Variants in IMMP2L observed in about 807,000 individuals in gnomAD.
IMMP2L encodes inner mitochondrial membrane peptidase subunit 2.
Under a neutral mutation model 19.3 loss-of-function variants are expected in IMMP2L, and 18 were observed. The observed-to-expected ratio is 0.93, with a 90% CI of 0.64 to 1.38. IMMP2L has a LOEUF of 1.38. Among genes scored for constraint, IMMP2L ranks in the 40% most tolerant of loss-of-function variants. The pLI, the probability that IMMP2L is intolerant of heterozygous loss-of-function variation, is 0.00. For missense variants in IMMP2L, 233 were observed against 218.2 expected (o/e 1.07, Z -0.43); for synonymous variants, 76 against 73.0 (o/e 1.04, Z -0.21).
chr7:111,312,078 C>A (rs948477541), intron 3 of IMMP2L, among the ~76,000 whole-genome samples: 18 of 152,092 alleles, frequency 1.2e-4, no homozygotes, highest in African/African-American at 4.3e-4. Context: ...CATGATAAAC[C>A]CACTGCAACA....
At chr7:111,552,505 C>G (rs963481814) in intron 1 of IMMP2L, among the ~76,000 whole-genome samples, 1 of 152,164 alleles carries the variant, frequency 6.6e-6, no homozygotes, top group African/African-American at 2.4e-5. Flanking sequence ...CCAGGCTGTT[C>G]TCAAACTCCT....
At chr7:110,805,494 G>A (rs1279368993) in intron 5 of IMMP2L, among the ~76,000 whole-genome samples, 3 of 151,938 alleles carry the variant, frequency 2.0e-5, no homozygotes, top group Non-Finnish European at 2.9e-5. Context: ...TGAAAGATTT[G>A]CACCTATCTT....
intron 3 of IMMP2L, among the ~76,000 whole-genome samples, chr7:111,182,677 G>A (rs1467280374): frequency 6.6e-6 from 1 of 151,754 alleles, no homozygotes; most frequent in African/African-American, 2.4e-5. Flanking sequence ...TACCTCTGAG[G>A]TGGAGGTAAG....
intron 5 of IMMP2L, among the ~76,000 whole-genome samples, chr7:110,842,738 G>C (rs1805223137): frequency 2.0e-5 from 3 of 152,146 alleles, no homozygotes; most frequent in African/African-American, 7.2e-5. Context: ...AAATTACCTT[G>C]TATACAAAGG....
chr7:111,134,528 G>A (rs1586501607), intron 3 of IMMP2L, among the ~76,000 whole-genome samples: 1 of 151,880 alleles, frequency 6.6e-6, no homozygotes, highest in Non-Finnish European at 1.5e-5. Context: ...CAGCATTTTT[G>A]AAAGCTCAGT....
At chr7:111,063,763 T>A (rs1586036406) in intron 3 of IMMP2L, among the ~76,000 whole-genome samples, 1 of 152,192 alleles carries the variant, frequency 6.6e-6, no homozygotes, top group East Asian at 1.9e-4. Context: ...TGCTAAAACA[T>A]AACAAGAGTC....
intron 5 of IMMP2L, among the ~76,000 whole-genome samples, chr7:110,851,969 G>A (rs1284801608): frequency 6.6e-6 from 1 of 152,124 alleles, no homozygotes; most frequent in East Asian, 1.9e-4. Context: ...CTTTGTGAGT[G>A]ATCAACCAAT....
At chr7:110,785,467 C>G (rs1199319407) in intron 5 of IMMP2L, among the ~76,000 whole-genome samples, 1 of 151,848 alleles carries the variant, frequency 6.6e-6, no homozygotes, top group Non-Finnish European at 1.5e-5. Flanking sequence ...AGTATTAGGA[C>G]TATATACAAT....
chr7:110,950,571 T>C (rs1037050844), intron 4 of IMMP2L, among the ~76,000 whole-genome samples: 1 of 151,812 alleles, frequency 6.6e-6, no homozygotes, highest in Admixed American at 6.6e-5. Flanking sequence ...AATTCTACTT[T>C]TGGATATATA....
rs373234681 is a variant in IMMP2L, at chr7:110,872,198, T to C, written c.408+14395A>G. ...CTTAAAACAGAATATATCGGATATC[T>C]AGCCAAACAAAACTGCTCAAGTACC... is the stretch of plus-strand genomic sequence containing the variant. On this transcript the variant is annotated intron_variant, in intron 5 of 5. Transcript: ENST00000405709. Among the ~76,000 whole-genome samples, 35 of 152,294 alleles carry C rather than the reference T, an allele frequency of 2.3e-4. No individual in the cohort carries two copies. The East Asian group carries it at 3.3e-3, about 14-fold the overall frequency.
rs190641066 is a variant in IMMP2L, at chr7:111,484,591, G to A, written c.239+2647C>T. ...TCTTAAATAAATAGGATGTTCCAAT[G>A]TAGTAACAAAAATTATCATCTATGT... On this transcript the variant is annotated intron_variant, in intron 3 of 5. Transcript: ENST00000405709. Among the ~76,000 whole-genome samples the A allele has an allele frequency of 1.4e-3, 212 of 152,118 alleles. 6 individuals are homozygous for A. The highest frequency in any genetic ancestry group is 0.014 in the Admixed American group (209 of 15,286).
intron 3 of IMMP2L, among the ~76,000 whole-genome samples, chr7:111,201,070 G>A (rs1173051567): frequency 6.6e-6 from 1 of 152,022 alleles, no homozygotes; most frequent in African/African-American, 2.4e-5. Flanking sequence ...TTCCCATCTT[G>A]GCTTGTTTGG....
chr7:110,831,979 T>A (rs1273403380), intron 5 of IMMP2L, among the ~76,000 whole-genome samples: 1 of 152,196 alleles, frequency 6.6e-6, no homozygotes, highest in Non-Finnish European at 1.5e-5. Flanking sequence ...AACCACTCTG[T>A]AGGGCTGGGC....
At chr7:111,472,120 T>C (rs527399227) in intron 3 of IMMP2L, among the ~76,000 whole-genome samples, 1 of 152,168 alleles carries the variant, frequency 6.6e-6, no homozygotes. Context: ...AGTCAACTTG[T>C]AATTTAACTA....
At chr7:111,079,572 G>A (rs1488339571) in intron 3 of IMMP2L, among the ~76,000 whole-genome samples, 2 of 152,138 alleles carry the variant, frequency 1.3e-5, no homozygotes, top group Non-Finnish European at 2.9e-5. Flanking sequence ...TCGCACATGA[G>A]GTACTGCATA....
At chr7:111,431,390 T>C (rs1478337951) in intron 3 of IMMP2L, among the ~76,000 whole-genome samples, 1 of 151,882 alleles carries the variant, frequency 6.6e-6, no homozygotes, top group Non-Finnish European at 1.5e-5. Flanking sequence ...CTCAGTTTTC[T>C]CATACATAAT....
chr7:111,177,309 A>T (rs1455744589), intron 3 of IMMP2L, among the ~76,000 whole-genome samples: 1 of 151,982 alleles, frequency 6.6e-6, no homozygotes, highest in Non-Finnish European at 1.5e-5. Context: ...CCTCCTGGGT[A>T]GCTGAGACCA....
chr7:110,914,358 TCA>T (rs1563076876), intron 4 of IMMP2L, among the ~76,000 whole-genome samples: 10 of 152,318 alleles, frequency 6.6e-5, no homozygotes, highest in African/African-American at 2.4e-4. Flanking sequence ...TTGAGTGAGC[TCA>T]ACCAATTGCA....
chr7:111,124,311 G>C (rs370184659), intron 3 of IMMP2L: 18 of 1,613,732 alleles, frequency 1.1e-5, no homozygotes, highest in Non-Finnish European at 1.5e-5. Flanking sequence ...TGATCAAAGT[G>C]GATGGATCTT....
Sources: gnomAD v4.1 joint callset for allele counts (sites outside exome capture counted in the v4.1 genomes callset) on GRCh38, gnomAD v4.1.1 for gene constraint, MANE v1.5 for transcripts, NCBI Gene and HGNC (gene_info 2026-07-23, HGNC 2026-07-21) for gene names.